Variants in ACACA observed in about 807,000 individuals in gnomAD.
The protein encoded by ACACA is acetyl-CoA carboxylase 1.
ACACA carries 103 observed loss-of-function variants against 296.1 expected under a neutral mutation model. The observed-to-expected ratio is 0.35, with a 90% CI of 0.30 to 0.41. The LOEUF (loss-of-function observed/expected upper bound fraction) is 0.41. Among genes scored for constraint, ACACA ranks in the 10% least tolerant of loss-of-function variants. The pLI is 1.00. For missense variants in ACACA, 1,554 were observed against 2,989.7 expected (o/e 0.52, Z 11.20); for synonymous variants, 953 against 1,038.6 (o/e 0.92, Z 1.58).
chr17:37,343,066 C>T (rs1414803160), intron 1 of ACACA, among the ~76,000 whole-genome samples: 1 of 152,154 alleles, frequency 6.6e-6, no homozygotes, highest in Non-Finnish European at 1.5e-5. Context: ...CAACCTCTGC[C>T]TCCCGAGTTC....
At chr17:37,233,322 C>T (rs1324967163) in intron 25 of ACACA, among the ~76,000 whole-genome samples, 2 of 152,164 alleles carry the variant, frequency 1.3e-5, no homozygotes, top group Non-Finnish European at 2.9e-5. Context: ...AATATGGCTC[C>T]GTGTTCCAAT....
At chr17:37,258,744 T>C (rs1348449357) in intron 12 of ACACA, among the ~76,000 whole-genome samples, 3 of 152,184 alleles carry the variant, frequency 2.0e-5, no homozygotes, top group Non-Finnish European at 2.9e-5. Flanking sequence ...ATCTCTTCCA[T>C]CCCTGCAAAC....
chr17:37,144,060 G>T, intron 45 of ACACA: 1 of 766,404 alleles, frequency 1.3e-6, no homozygotes, highest in South Asian at 1.4e-5. Context: ...CTTCAGGAGG[G>T]ACGTAGGTTT....
intron 3 of ACACA, among the ~76,000 whole-genome samples, chr17:37,328,049 T>C (rs975131843): frequency 1.3e-5 from 2 of 152,232 alleles, no homozygotes; most frequent in African/African-American, 4.8e-5. Context: ...AATACTGCTC[T>C]CTATTCCTCT....
chr17:37,163,032 G>C (rs553278067), intron 41 of ACACA: 4 of 154,874 alleles, frequency 2.6e-5, no homozygotes, highest in African/African-American at 9.7e-5. Flanking sequence ...CCAGCTGGCG[G>C]TCAAACAGTT....
chr17:37,385,076 A>G (rs187419997), intron 1 of ACACA, among the ~76,000 whole-genome samples: 1 of 152,052 alleles, frequency 6.6e-6, no homozygotes, highest in Non-Finnish European at 1.5e-5. Flanking sequence ...GAATCACATC[A>G]TCTCTCATCT....
At position 37,297,387 on chromosome 17, in the gene ACACA, G is replaced by A. The variant is rs530263275; in HGVS notation, c.339-12417C>T. Among the ~76,000 whole-genome samples, 8 of 149,206 alleles carry A rather than the reference G, an allele frequency of 5.4e-5. No homozygotes were observed. The East Asian group carries it at 1.7e-3, about 31-fold the overall frequency. The stretch of plus-strand genomic sequence containing the variant: ...ACCCGGGAGGCAGAGGTTGTGGTGA[G>A]CCAAGATCGCGCCATCACACTCTAG... On this transcript the variant is annotated intron_variant, in intron 3 of 55. Coordinates refer to ENST00000616317, the MANE Select transcript of ACACA (RefSeq NM_198834.3).
At position 37,369,997 on chromosome 17, in the gene ACACA, C is replaced by T. The variant is rs1287305742; in HGVS notation, c.39-30147G>A. On this transcript the variant is annotated intron_variant, in intron 1 of 55. Transcript: ENST00000616317. ...CTGGGATTACAGGCGTGAGCCACTG[C>T]GCCTGGCCCCTCCTTTTTTTTTTTT... 8.7e-5 allele frequency among the ~76,000 whole-genome samples: 12 copies of T among 137,698 alleles called. No homozygotes were observed. The East Asian group carries it at 9.8e-4, about 11-fold the overall frequency. The allele number at this position is 137,698 out of a possible 152,430, so 90.3% of individuals were successfully genotyped here. A position where few individuals can be genotyped will look rare whatever the true frequency, so the allele number is the denominator to read the frequency against.
At chr17:37,196,916 A>ATATT (rs2078027999) in intron 35 of ACACA, among the ~76,000 whole-genome samples, 1 of 152,152 alleles carries the variant, frequency 6.6e-6, no homozygotes, top group Admixed American at 6.6e-5. Flanking sequence ...CAAGTAGAAT[A>ATATT]TATTTACAAA....
At chr17:37,123,419 T>C (rs2074620062) in intron 48 of ACACA, among the ~76,000 whole-genome samples, 1 of 152,190 alleles carries the variant, frequency 6.6e-6, no homozygotes, top group African/African-American at 2.4e-5. Flanking sequence ...TTGGTCCTCA[T>C]AAAGATTTTC....
chr17:37,097,300 C>G lies in ACACA; in HGVS notation c.6721-134G>C. ...AGACCCAAGAGCTGGCTGTAAACTC[C>G]TAGCACTTCCAGATGTCCCCCAGGG... is the stretch of plus-strand genomic sequence containing the variant. On this transcript the variant is annotated intron_variant, in intron 53 of 55. Coordinates refer to ENST00000616317, the MANE Select transcript of ACACA (RefSeq NM_198834.3). This position sits in a 1 kb window ranked among gnomAD's most constrained non-coding sequence, Gnocchi z 4.8. The G allele has an allele frequency of 9.9e-7, 1 of 1,007,788 alleles. No individual in the cohort carries two copies. Among genetic ancestry groups the G allele is most frequent in the Non-Finnish European group, 1.5e-6 (1 of 666,996 alleles). 62.4% of individuals were successfully genotyped at this position (1,007,788 alleles called of 1,614,324 possible). A position where few individuals can be genotyped will look rare whatever the true frequency, so the allele number is the denominator to read the frequency against.
chr17:37,317,093 A>C (rs921371316), intron 3 of ACACA, among the ~76,000 whole-genome samples: 10 of 151,476 alleles, frequency 6.6e-5, no homozygotes, highest in African/African-American at 2.4e-4. Context: ...AAAGAAAAAA[A>C]GATTTGCAAT....
intron 1 of ACACA, among the ~76,000 whole-genome samples, chr17:37,349,414 T>A (rs1018833680): frequency 6.8e-6 from 1 of 147,848 alleles, no homozygotes; most frequent in African/African-American, 2.5e-5. Context: ...ATATAATATA[T>A]ATTATATATA....
chr17:37,317,464 G>C (rs1235004899), intron 3 of ACACA, among the ~76,000 whole-genome samples: 1 of 151,812 alleles, frequency 6.6e-6, no homozygotes, highest in Non-Finnish European at 1.5e-5. Flanking sequence ...TACTTAGTAG[G>C]CTGAGGCACG....
chr17:37,097,240 G>T lies in ACACA; in HGVS notation c.6721-74C>A. On this transcript the variant is annotated intron_variant, in intron 53 of 55. Transcript: ENST00000616317. The surrounding 1 kb of genome is among the most constrained non-coding windows in gnomAD (Gnocchi z 4.8). ...TGCTCAGTCTGGAGGGAAACCCACA[G>T]GCATAAAAACTGATTCTCCAGGCAA... 1 of 1,548,688 alleles carries T rather than the reference G, an allele frequency of 6.5e-7. No individual in the cohort carries two copies. Among genetic ancestry groups the T allele is most frequent in the Non-Finnish European group, 8.8e-7 (1 of 1,140,768 alleles).
chr17:37,362,507 G>T (rs1006927603), intron 1 of ACACA, among the ~76,000 whole-genome samples: 1 of 152,140 alleles, frequency 6.6e-6, no homozygotes, highest in Non-Finnish European at 1.5e-5. Context: ...ATATGAATTT[G>T]TAATAGCCAT....
At position 37,085,706 on chromosome 17, in the gene ACACA, T is replaced by C; in HGVS notation, c.*1610A>G. 2.5e-6 allele frequency: 1 copy of C among 399,226 alleles called. No individual in the cohort carries two copies. The highest frequency in any genetic ancestry group is 4.4e-6 in the Non-Finnish European group (1 of 226,218). The allele number at this position is 399,226 out of a possible 1,614,324, so 24.7% of individuals were successfully genotyped here. ...CATACCCAGCCATACAGTGCCCACC[T>C]GCAACCCAGAACCATTGAAAAGTCC... On this transcript the variant is annotated 3_prime_UTR_variant, in exon 56 of 56. Transcript: ENST00000616317.
intron 1 of ACACA, among the ~76,000 whole-genome samples, chr17:37,390,175 T>TATACACACACACACAC (rs60788220): frequency 2.2e-5 from 1 of 44,508 alleles, no homozygotes; most frequent in African/African-American, 1.2e-4. Flanking sequence ...TATATATATA[T>TATACACACACACACAC]ACACACACAC....
chr17:37,136,630 T>A (rs7215615), intron 45 of ACACA, among the ~76,000 whole-genome samples: 3 of 151,848 alleles, frequency 2.0e-5, no homozygotes, highest in African/African-American at 7.2e-5. Flanking sequence ...CAACACTTGG[T>A]ATTTGTCAAA....
Sources: gnomAD v4.1 joint callset for allele counts (sites outside exome capture counted in the v4.1 genomes callset) on GRCh38, gnomAD v4.1.1 for gene constraint, Gnocchi (gnomAD v3.1) non-coding constraint, MANE v1.5 for transcripts, NCBI Gene and HGNC (gene_info 2026-07-23, HGNC 2026-07-21) for gene names.